The following FSIP2 variants were observed in gnomAD, a reference collection of about 807,000 sequenced individuals.
The protein encoded by FSIP2 is fibrous sheath-interacting protein 2.
Under a neutral mutation model 510.5 loss-of-function variants are expected in FSIP2, and 367 were observed. The ratio of observed to expected loss-of-function variants is 0.72; its 90% CI spans 0.66 to 0.78. The LOEUF (loss-of-function observed/expected upper bound fraction) is 0.78. Ranked by LOEUF, FSIP2 falls within the 30% of genes least tolerant of loss-of-function variation. The pLI is 0.00. For missense variants in FSIP2, 7,594 were observed against 7,901.7 expected, an observed-to-expected ratio of 0.96 and a Z score of 1.48; for synonymous variants, 2,601 against 2,732.2, an observed-to-expected ratio of 0.95 and a Z score of 1.50.
At chr2:185,799,030 T>C (rs1693363496) in intron 16 of FSIP2, among the ~76,000 whole-genome samples, 1 of 151,826 alleles carries the variant, frequency 6.6e-6, no homozygotes, top group African/African-American at 2.4e-5. Flanking sequence ...AAAACTGTGT[T>C]GCTCTTGGCT....
At position 185,804,640 on chromosome 2, in the gene FSIP2, G is replaced by T; in HGVS notation, c.15334G>T (p.Val5112Leu). The T allele has an allele frequency of 6.5e-7, 1 of 1,533,096 alleles. No homozygotes were observed. The allele number at this position is 1,533,096 out of a possible 1,614,324, so 95.0% of individuals were successfully genotyped here. Residue 5112 changes from valine (V) to leucine (L), a missense_variant, in exon 17 of 23, where the codon GTG becomes TTG. Val to Leu is a conservative substitution (Grantham distance 32, BLOSUM62 1). Coordinates refer to ENST00000424728, the MANE Select transcript of FSIP2 (RefSeq NM_173651.4). ...DSHALPPYIT[V>L]LPHSLLEDMV... ...CCATGCCTTGCCACCATATATTACT[G>T]TGTTGCCTCATTCTCTTTTAGAAGA...
In FSIP2 at chr2:185,821,103, A is replaced by C. The variant is rs375989812; in HGVS notation, c.20427-3331A>C. Among the ~76,000 whole-genome samples the C allele has an allele frequency of 4.6e-5, 7 of 151,268 alleles. No homozygotes were observed. The East Asian group carries it at 7.8e-4, about 17-fold the overall frequency. ...AAAGAAAGACTCAGCTAAAATCATA[A>C]ATGAAAGAGGTAAAATAGCAACTGA... On this transcript the variant is annotated intron_variant, in intron 19 of 22. Transcript: ENST00000424728.
At chr2:185,820,513 A>G (rs1693895543) in intron 19 of FSIP2, among the ~76,000 whole-genome samples, 1 of 151,458 alleles carries the variant, frequency 6.6e-6, no homozygotes, top group Non-Finnish European at 1.5e-5. Context: ...ATACATATAT[A>G]AAACAATAGC....
chr2:185,782,734 A>G lies in FSIP2; in HGVS notation c.1441A>G (p.Ile481Val). The change falls in exon 14 of 23, where the codon ATA becomes GTA. Residue 481 changes from isoleucine to valine, a missense_variant. Transcript: ENST00000424728. Reference sequence around the variant, plus strand: ...TCAGGCTCATGCTACAGACCCGGGTATATTTTCTTCTCCTGTTTACACAAA... The same window carrying G: ...TCAGGCTCATGCTACAGACCCGGGTGTATTTTCTTCTCCTGTTTACACAAA... ...GPQAHATDPG[I>V]FSSPVYTNMQ... The G allele has an allele frequency of 6.6e-7, 1 of 1,514,082 alleles. No individual in the cohort carries two copies. The highest frequency in any genetic ancestry group is 2.5e-5 in the East Asian group (1 of 40,792). The allele number at this position is 1,514,082 out of a possible 1,614,324, so 93.8% of individuals were successfully genotyped here.
chr2:185,824,935 A>G (rs1326317619), intron 20 of FSIP2, among the ~76,000 whole-genome samples: 1 of 151,544 alleles, frequency 6.6e-6, no homozygotes, highest in African/African-American at 2.4e-5. Flanking sequence ...TTGTTTATTC[A>G]ATCTCTAATA....
chr2:185,784,642 T>C (rs1559023120), intron 14 of FSIP2, among the ~76,000 whole-genome samples: 2 of 152,216 alleles, frequency 1.3e-5, no homozygotes, highest in African/African-American at 4.8e-5. Flanking sequence ...AAGATAAAAC[T>C]ATGTTGCTAT....
intron 7 of FSIP2, among the ~76,000 whole-genome samples, chr2:185,751,486 T>TGTGTGC (rs369119098): frequency 2.0e-5 from 3 of 149,566 alleles, no homozygotes; most frequent in Non-Finnish European, 4.5e-5. Flanking sequence ...TGTGTGTGTG[T>TGTGTGC]GTGTGTGTGT....
intron 19 of FSIP2, among the ~76,000 whole-genome samples, chr2:185,818,281 A>C (rs1274802694): frequency 6.6e-6 from 1 of 151,878 alleles, no homozygotes; most frequent in African/African-American, 2.4e-5. Flanking sequence ...AAGTCTAAAG[A>C]CCAAAAGGAA....
rs139967066 is a variant in FSIP2 at position 185,802,289 on chromosome 2, A to G, written c.12983A>G (p.Glu4328Gly). ...ATTTTCAGCCCAAAGCATAACACTGAAATTGAGTTGAAAAACATGACCCAA... is the reference window on the plus strand; with the variant it reads ...ATTTTCAGCCCAAAGCATAACACTGGAATTGAGTTGAAAAACATGACCCAA... The part of the protein sequence containing the change: ...SKIFSPKHNT[E>G]IELKNMTQRI... Residue 4328 changes from glutamate to glycine, a missense_variant, in exon 17 of 23, where the codon GAA (glutamate) becomes GGA (glycine). Physicochemically the swap from Glu to Gly is moderately conservative, Grantham distance 98. Transcript: ENST00000424728. 27 of 1,533,858 alleles carry G rather than the reference A, an allele frequency of 1.8e-5. No homozygotes were observed. In the African/African-American group the frequency reaches 2.6e-4, roughly 15 times the overall value.
In FSIP2 at chr2:185,803,311, T is replaced by G. The variant is rs1485545893; in HGVS notation, c.14005T>G (p.Phe4669Val). Residue 4669 changes from phenylalanine to valine, a missense_variant, in exon 17 of 23, where the codon TTC becomes GTC. Coordinates refer to ENST00000424728, the MANE Select transcript of FSIP2 (RefSeq NM_173651.4). ...EELIHLITGEFSKAQVSIIDN... is the reference protein window; with the variant it reads ...EELIHLITGEVSKAQVSIIDN... ...ACTCATACATTTGATTACAGGGGAATTCTCAAAAGCCCAAGTTAGCATTAT... is the reference window on the plus strand; with the variant it reads ...ACTCATACATTTGATTACAGGGGAAGTCTCAAAAGCCCAAGTTAGCATTAT... 2.9e-5 allele frequency: 44 copies of G among 1,528,594 alleles called. No homozygotes were observed. The highest frequency in any genetic ancestry group is 3.8e-5 in the Non-Finnish European group (44 of 1,143,712). The allele number at this position is 1,528,594 out of a possible 1,614,324, so 94.7% of individuals were successfully genotyped here. A position where few individuals can be genotyped will look rare whatever the true frequency, so the allele number is the denominator to read the frequency against.
rs1050611589 is a variant in FSIP2 at position 185,795,679 on chromosome 2, C to A, written c.8543C>A (p.Ser2848Ter). 5.9e-6 allele frequency: 9 copies of A among 1,532,358 alleles called. No homozygotes were observed. The African/African-American group carries it at 1.2e-4, about 21-fold the overall frequency. 94.9% of individuals were successfully genotyped at this position (1,532,358 alleles called of 1,614,324 possible). The change falls in exon 16 of 23, where the codon TCA becomes TAA. Residue 2848 changes from serine (S) to a stop codon, truncating the protein, a stop_gained. Coordinates refer to ENST00000424728, the MANE Select transcript of FSIP2 (RefSeq NM_173651.4). LOFTEE classifies it high-confidence loss of function. ...KKLFDKWQTE[S>*]NDKENEKCKL... ...TTGTTTGACAAGTGGCAAACAGAAT[C>A]AAATGACAAGGAAAATGAAAAATGT...
In FSIP2 at chr2:185,800,737, T is replaced by C. The variant is rs200617003; in HGVS notation, c.11431T>C (p.Cys3811Arg). Residue 3811 changes from cysteine (C) to arginine (R), a missense_variant, in exon 17 of 23, where the codon TGT (cysteine) becomes CGT (arginine). Cys to Arg is a radical substitution (Grantham distance 180). Coordinates refer to ENST00000424728, the MANE Select transcript of FSIP2 (RefSeq NM_173651.4). ...TGATTATCGTAAGGGAGGAATGGAC[T>C]GTGAATGCCTTCAAGTAGATTACAT... ...KSDYRKGGMDCECLQVDYMSD... is the reference protein window; with the variant it reads ...KSDYRKGGMDRECLQVDYMSD... 8.7e-4 allele frequency: 1,338 copies of C among 1,533,590 alleles called. No individual in the cohort carries two copies. The highest frequency in any genetic ancestry group is 1.1e-3 in the Non-Finnish European group (1,275 of 1,145,388). 95.0% of individuals were successfully genotyped at this position (1,533,590 alleles called of 1,614,324 possible). A position where few individuals can be genotyped will look rare whatever the true frequency, so the allele number is the denominator to read the frequency against.
chr2:185,751,461 CTGTGTGTGTG>C (rs56395901), intron 7 of FSIP2, among the ~76,000 whole-genome samples: 19 of 135,872 alleles, frequency 1.4e-4, no homozygotes, highest in South Asian at 7.3e-4. Context: ...CTTTATTTTT[CTGTGTGTGTG>C]TGTGTGTGTG....
At chr2:185,761,251 C>A in intron 10 of FSIP2, 148 bp downstream of exon 10, 1 of 414,270 alleles carries the variant, frequency 2.4e-6, no homozygotes, top group Non-Finnish European at 4.3e-6. Context: ...ATTTTCCTGG[C>A]AGAAAAAGTG....
At chr2:185,766,568 T>G (rs1692487439) in intron 13 of FSIP2, 1 of 147,424 alleles carries the variant, frequency 6.8e-6, no homozygotes, top group East Asian at 2.1e-4. Context: ...CATGAAAAAA[T>G]GCTCACCATC....
At position 185,801,961 on chromosome 2, in the gene FSIP2, T is replaced by C; in HGVS notation, c.12655T>C (p.Cys4219Arg). 4 of 1,523,186 alleles carry C rather than the reference T, an allele frequency of 2.6e-6. No homozygotes were observed. The highest frequency in any genetic ancestry group is 1.4e-5 in the African/African-American group (1 of 72,242). 94.4% of individuals were successfully genotyped at this position (1,523,186 alleles called of 1,614,324 possible). The change falls in exon 17 of 23, where the codon TGT (cysteine) becomes CGT (arginine). Residue 4219 changes from cysteine to arginine, a missense_variant. Physicochemically the swap from Cys to Arg is radical, Grantham distance 180. Coordinates refer to ENST00000424728, the MANE Select transcript of FSIP2 (RefSeq NM_173651.4). ...CCAAAAGATGGTGGATTCTGTATAT[T>C]GTAATATTTTGCAAATGTCTGACTC... Reference protein sequence around the residue: ...NLQKMVDSVYCNILQMSDSLV... With the variant: ...NLQKMVDSVYRNILQMSDSLV...
In FSIP2 at chr2:185,795,453, A is replaced by G; in HGVS notation, c.8317A>G (p.Lys2773Glu). 6.5e-7 allele frequency: 1 copy of G among 1,534,854 alleles called. No homozygotes were observed. The highest frequency in any genetic ancestry group is 8.7e-7 in the Non-Finnish European group (1 of 1,146,056). The change falls in exon 16 of 23, where the codon AAA becomes GAA. Residue 2773 changes from lysine to glutamate, a missense_variant. By Grantham distance (56) the Lys-to-Glu change is moderately conservative. Transcript: ENST00000424728. ...LPSDQIIAAG[K>E]IVNTVLQELY... ...ATCTGATCAAATCATAGCAGCAGGT[A>G]AAATAGTTAATACAGTTTTGCAAGA...
At chr2:185,812,294 TATA>T (rs1025290791) in intron 17 of FSIP2, among the ~76,000 whole-genome samples, 2 of 152,200 alleles carry the variant, frequency 1.3e-5, no homozygotes, top group East Asian at 3.9e-4. Flanking sequence ...AGCTTTAAGA[TATA>T]ATGATTGCAC....
chr2:185,780,448 T>C (rs1432593467), intron 13 of FSIP2, among the ~76,000 whole-genome samples: 1 of 151,630 alleles, frequency 6.6e-6, no homozygotes, highest in East Asian at 1.9e-4. Context: ...TTTCATAAAT[T>C]AATTGCTTTG....
Sources: allele counts gnomAD v4.1 joint callset (sites outside exome capture counted in the v4.1 genomes callset), GRCh38; gene constraint gnomAD v4.1.1; transcripts MANE v1.5; gene names NCBI Gene and HGNC (gene_info 2026-07-23, HGNC 2026-07-21).